Variants in TTLL7 observed in about 807,000 individuals in gnomAD.
TTLL7 encodes the protein tubulin polyglutamylase TTLL7.
TTLL7 carries 53 observed loss-of-function variants against 120.2 expected under a neutral mutation model. The ratio of observed to expected loss-of-function variants is 0.44; its 90% CI spans 0.35 to 0.55. The LOEUF is 0.55. Ranked by LOEUF, TTLL7 falls within the 20% of genes least tolerant of loss-of-function variation. The pLI is 0.00. For missense variants in TTLL7, 803 were observed against 1,054.7 expected, an observed-to-expected ratio of 0.76 and a Z score of 3.31; for synonymous variants, 353 against 351.7, an observed-to-expected ratio of 1.00 and a Z score of -0.04.
At chr1:83,960,825 T>G (rs1649949710) in intron 1 of TTLL7, among the ~76,000 whole-genome samples, 1 of 151,994 alleles carries the variant, frequency 6.6e-6, no homozygotes, top group African/African-American at 2.4e-5. Flanking sequence ...CCCAAACAAC[T>G]CTCATAACAA....
intron 1 of TTLL7, among the ~76,000 whole-genome samples, chr1:83,958,969 T>G (rs1649781651): frequency 6.6e-6 from 1 of 152,202 alleles, no homozygotes; most frequent in African/African-American, 2.4e-5. Flanking sequence ...TTTATCATTA[T>G]GCAGATACAA....
At chr1:83,994,676 G>A (rs1451996019) in intron 1 of TTLL7, among the ~76,000 whole-genome samples, 1 of 152,154 alleles carries the variant, frequency 6.6e-6, no homozygotes, top group Non-Finnish European at 1.5e-5. Flanking sequence ...GGGGAGGCAG[G>A]AGAGGTCTTT....
intron 2 of TTLL7, 86 bp downstream of exon 2, chr1:83,952,101 A>G (rs980458741): frequency 2.2e-5 from 34 of 1,513,980 alleles, no homozygotes; most frequent in African/African-American, 2.8e-5. Context: ...AAAGTCCCCA[A>G]TTAATTTTTA....
intron 13 of TTLL7, among the ~76,000 whole-genome samples, chr1:83,919,215 A>G (rs1658437979): frequency 6.6e-6 from 1 of 151,898 alleles, no homozygotes; most frequent in Non-Finnish European, 1.5e-5. Context: ...TTGTTATGCT[A>G]TAATAGAAAA....
intron 15 of TTLL7, among the ~76,000 whole-genome samples, chr1:83,909,268 C>CTT (rs1657480480): frequency 1.2e-4 from 6 of 50,764 alleles, no homozygotes; most frequent in Admixed American, 5.5e-4. Context: ...TTTTTTTTTT[C>CTT]CTTTTTTTTT....
chr1:83,952,030 G>C, intron 2 of TTLL7, 54 bp from the exon 3 acceptor site: 1 of 1,571,596 alleles, frequency 6.4e-7, no homozygotes, highest in Non-Finnish European at 8.7e-7. Flanking sequence ...ATCTATACCA[G>C]ACAACACAAA....
chr1:83,986,616 C>T (rs370779160), intron 1 of TTLL7, among the ~76,000 whole-genome samples: 6 of 152,166 alleles, frequency 3.9e-5, no homozygotes, highest in South Asian at 2.1e-4. Context: ...AGGCCGAGGC[C>T]GGTGTATCAC....
chr1:83,905,489 T>C (rs1319810726), intron 17 of TTLL7, among the ~76,000 whole-genome samples: 2 of 150,452 alleles, frequency 1.3e-5, no homozygotes, highest in Non-Finnish European at 3.0e-5. Context: ...TTTTATCCTA[T>C]AACTGGCCAC....
chr1:83,954,878 AC>A (rs1401568978), intron 1 of TTLL7, among the ~76,000 whole-genome samples: 1 of 151,792 alleles, frequency 6.6e-6, no homozygotes. Context: ...AAAAAAAAAA[AC>A]CAGAAAAAAA....
chr1:83,965,746 T>G lies in TTLL7; in HGVS notation c.-176-13359A>C, dbSNP rs534275540. 4.6e-5 allele frequency among the ~76,000 whole-genome samples: 7 copies of G among 152,244 alleles called. No individual in the cohort carries two copies. The South Asian group carries it at 1.0e-3, about 23-fold the overall frequency. The stretch of plus-strand genomic sequence containing the variant: ...GCGCAGGCATTGTGCTCTGCATTTA[T>G]AAGTCCCCAATTATTATTTATTTAA... On this transcript the variant is annotated intron_variant, in intron 1 of 20. Transcript: ENST00000260505.
At chr1:83,933,956 G>C (rs1335706075) in intron 8 of TTLL7, among the ~76,000 whole-genome samples, 190 bp from the exon 9 acceptor site, 1 of 152,112 alleles carries the variant, frequency 6.6e-6, no homozygotes, top group Non-Finnish European at 1.5e-5. Flanking sequence ...CTTGCTTTGG[G>C]TTCCTCAAGT....
At chr1:83,915,390 G>A (rs1397779102) in intron 14 of TTLL7, among the ~76,000 whole-genome samples, 1 of 152,148 alleles carries the variant, frequency 6.6e-6, no homozygotes, top group African/African-American at 2.4e-5. Context: ...AAGAAATGGG[G>A]AAAGGATTCC....
intron 10 of TTLL7, among the ~76,000 whole-genome samples, chr1:83,926,797 T>C (rs1027241054): frequency 2.0e-5 from 3 of 152,210 alleles, no homozygotes; most frequent in Admixed American, 2.0e-4. Context: ...CAAGGATTCA[T>C]GGGATTGTGA....
chr1:83,957,782 G>A (rs1006757308), intron 1 of TTLL7, among the ~76,000 whole-genome samples: 1 of 152,164 alleles, frequency 6.6e-6, no homozygotes, highest in African/African-American at 2.4e-5. Context: ...TACGTTAAAA[G>A]CTGGAGCCCA....
At chr1:83,997,559 A>T (rs990936645) in intron 1 of TTLL7, among the ~76,000 whole-genome samples, 1 of 152,202 alleles carries the variant, frequency 6.6e-6, no homozygotes, top group Non-Finnish European at 1.5e-5. Flanking sequence ...TCCATGGCTT[A>T]CTGAGTGGTC....
Position 83,949,877 on chromosome 1 carries a change from C to A in TTLL7, c.267G>T (p.Leu89=). The A allele has an allele frequency of 6.2e-7, 1 of 1,613,396 alleles. No individual in the cohort carries two copies. The change falls in exon 4 of 21, where the codon CTG becomes CTT. Residue 89 remains leucine, a synonymous_variant. Transcript: ENST00000260505. ...ATTAATTTCCTACCTGATAATTTTGCAGCTCTGAAATTTTCTCCTGCTGAA... is the reference window on the plus strand; with the variant it reads ...ATTAATTTCCTACCTGATAATTTTGAAGCTCTGAAATTTTCTCCTGCTGAA... ...SAVQQEKISE[L]QNYQRINHFP...
rs665544 is a variant in TTLL7, at chr1:83,901,609, G to C, written c.2208+2470C>G. Among the ~76,000 whole-genome samples, 295 of 151,970 alleles carry C rather than the reference G, an allele frequency of 1.9e-3. 1 individual carries two copies. The highest frequency in any genetic ancestry group is 6.9e-3 in the African/African-American group (288 of 41,474). Reference sequence around the variant, plus strand: ...TCCATTAATCGAAGCCAAAGTCAGCGACTTGAAAACATATTCAGGGCTTCT... The same window carrying C: ...TCCATTAATCGAAGCCAAAGTCAGCCACTTGAAAACATATTCAGGGCTTCT... On this transcript the variant is annotated intron_variant, in intron 18 of 20. Transcript: ENST00000260505.
chr1:83,950,848 G>C (rs1005171493), intron 3 of TTLL7, among the ~76,000 whole-genome samples: 2 of 152,102 alleles, frequency 1.3e-5, no homozygotes, highest in Non-Finnish European at 2.9e-5. Context: ...AGCAGCTGCT[G>C]TGCCACCTAC....
chr1:83,987,554 T>C (rs1652590065), intron 1 of TTLL7, among the ~76,000 whole-genome samples: 1 of 152,126 alleles, frequency 6.6e-6, no homozygotes, highest in Non-Finnish European at 1.5e-5. Flanking sequence ...CATTACATAG[T>C]CTCAAGAATA....
Sources: allele counts gnomAD v4.1 joint callset (sites outside exome capture counted in the v4.1 genomes callset), GRCh38; gene constraint gnomAD v4.1.1; transcripts MANE v1.5; gene names NCBI Gene and HGNC (gene_info 2026-07-23, HGNC 2026-07-21).